Variants in POP1 observed in about 807,000 individuals in gnomAD.
POP1 encodes the protein POP1 ribonuclease P/MRP subunit.
In POP1, 75 loss-of-function variants were observed where a neutral mutation model predicts 102.2. The observed-to-expected ratio is 0.73, with a 90% CI of 0.61 to 0.89. The LOEUF (loss-of-function observed/expected upper bound fraction) is 0.89. Among genes scored for constraint, POP1 ranks in the 40% least tolerant of loss-of-function variants. POP1 has a pLI of 0.00. For synonymous variants in POP1, 436 were observed against 464.1 expected, an observed-to-expected ratio of 0.94 and a Z score of 0.78; for missense variants, 1,116 against 1,267.4, an observed-to-expected ratio of 0.88 and a Z score of 1.81.
chr8:98,152,443 G>T (rs1378444778), intron 14 of POP1, among the ~76,000 whole-genome samples: 2 of 152,098 alleles, frequency 1.3e-5, no homozygotes, highest in Non-Finnish European at 1.5e-5. Context: ...TGGAGCCCTC[G>T]GTCTCCATGG....
intron 6 of POP1, 35 bp downstream of exon 6, chr8:98,134,071 CTATG>C: frequency 6.9e-7 from 1 of 1,440,916 alleles, no homozygotes; most frequent in Non-Finnish European, 9.8e-7. Context: ...CTATTTTAGT[CTATG>C]TATATTTATT....
At chr8:98,129,090 G>T (rs1816301017) in intron 4 of POP1, among the ~76,000 whole-genome samples, 1 of 152,122 alleles carries the variant, frequency 6.6e-6, no homozygotes, top group Non-Finnish European at 1.5e-5. Context: ...TCTTGTAAGG[G>T]TGTTGAATAG....
At chr8:98,146,063 A>T (rs747912227) in intron 11 of POP1, among the ~76,000 whole-genome samples, 4 of 152,188 alleles carry the variant, frequency 2.6e-5, no homozygotes, top group Non-Finnish European at 5.9e-5. Flanking sequence ...AAAGCCCTGA[A>T]GCCAGTAGTT....
intron 10 of POP1, among the ~76,000 whole-genome samples, chr8:98,140,512 C>G (rs778993171): frequency 6.6e-6 from 1 of 152,224 alleles, no homozygotes; most frequent in Non-Finnish European, 1.5e-5. Context: ...GTAGTTATCA[C>G]TGATAGAAGC....
chr8:98,131,708 G>GT (rs1407189537), intron 5 of POP1, among the ~76,000 whole-genome samples: 1 of 152,136 alleles, frequency 6.6e-6, no homozygotes, highest in Non-Finnish European at 1.5e-5. Context: ...CATAGCAACT[G>GT]TATCATTTTA....
Position 98,159,615 on chromosome 8 carries a change from T to C in POP1, c.*1344T>C, listed in dbSNP as rs1809749424. The C allele has an allele frequency of 6.6e-6, 1 of 152,234 alleles. No homozygotes were observed. The highest frequency in any genetic ancestry group is 2.4e-5 in the African/African-American group (1 of 41,446). The allele number at this position is 152,234 out of a possible 1,614,324, so 9.4% of individuals were successfully genotyped here. A position where few individuals can be genotyped will look rare whatever the true frequency, so the allele number is the denominator to read the frequency against. On this transcript the variant is annotated 3_prime_UTR_variant, in exon 16 of 16. Coordinates refer to ENST00000401707, the MANE Select transcript of POP1 (RefSeq NM_001145860.2). ...TTATGTAAATGCATTGGGTTTTTAC[T>C]GTAGCATTTGGCACTAAATGGCTTT...
intron 7 of POP1, 129 bp downstream of exon 7, chr8:98,134,788 T>G (rs1816483382): frequency 1.0e-6 from 1 of 989,568 alleles, no homozygotes; most frequent in African/African-American, 1.6e-5. Context: ...TATGGGGGGC[T>G]CTATGATTAT....
At chr8:98,142,200 TC>T (rs532434382) in intron 11 of POP1, among the ~76,000 whole-genome samples, 155 of 152,268 alleles carry the variant, frequency 1.0e-3, no homozygotes, top group Admixed American at 9.2e-4. Context: ...GATTATTAAA[TC>T]CTCTCTAAGG....
At chr8:98,148,783 T>C in intron 12 of POP1, 32 bp from the exon 13 acceptor site, 1 of 1,583,232 alleles carries the variant, frequency 6.3e-7, no homozygotes, top group Non-Finnish European at 8.7e-7. Context: ...AGACTAGGGC[T>C]ATTTGTCTTG....
rs1816280810 is a variant in POP1 at position 98,128,534 on chromosome 8, G to T, written c.480G>T (p.Gln160His). Residue 160 changes from glutamine (Q) to histidine (H), a missense_variant, in exon 4 of 16, where the codon CAG becomes CAT. Coordinates refer to ENST00000401707, the MANE Select transcript of POP1 (RefSeq NM_001145860.2). ...RLPRRLQEIA[Q>H]KEAEKAVHQK... ...CCAGACGGTTACAGGAGATTGCCCA[G>T]AAAGAGGTAGGAGTTCCACTTAGTG... 1 of 1,613,794 alleles carries T rather than the reference G, an allele frequency of 6.2e-7. No homozygotes were observed. Among genetic ancestry groups the T allele is most frequent in the South Asian group, 1.1e-5 (1 of 91,064 alleles).
chr8:98,132,841 A>G (rs1425591524), intron 5 of POP1, among the ~76,000 whole-genome samples: 1 of 145,966 alleles, frequency 6.9e-6, no homozygotes, highest in East Asian at 2.1e-4. Flanking sequence ...AGGCTGAGGC[A>G]GGAGGATTGC....
chr8:98,150,070 T>C (rs1809477901), intron 13 of POP1, among the ~76,000 whole-genome samples: 1 of 152,236 alleles, frequency 6.6e-6, no homozygotes, highest in Non-Finnish European at 1.5e-5. Context: ...TGATGCACCC[T>C]GTGTACCTCT....
chr8:98,150,850 C>A (rs1809497002), intron 14 of POP1, among the ~76,000 whole-genome samples: 3 of 152,058 alleles, frequency 2.0e-5, no homozygotes, highest in African/African-American at 2.4e-5. Context: ...TGGTTATAAA[C>A]CCTTCTGTTT....
At chr8:98,126,489 T>C (rs1254616157) in intron 2 of POP1, among the ~76,000 whole-genome samples, 1 of 152,118 alleles carries the variant, frequency 6.6e-6, no homozygotes, top group African/African-American at 2.4e-5. Flanking sequence ...CCTTCAGCTG[T>C]GATATAAATA....
intron 9 of POP1, among the ~76,000 whole-genome samples, chr8:98,137,797 A>G (rs941798594): frequency 6.6e-6 from 1 of 152,198 alleles, no homozygotes; most frequent in African/African-American, 2.4e-5. Context: ...CTTAACTTTA[A>G]TTAACTAAAA....
At chr8:98,144,325 G>T (rs950485578) in intron 11 of POP1, among the ~76,000 whole-genome samples, 2 of 151,460 alleles carry the variant, frequency 1.3e-5, no homozygotes, top group African/African-American at 4.9e-5. Flanking sequence ...GCCCAGACCC[G>T]AGTGCAGTGG....
In POP1 at chr8:98,136,571, C is replaced by T. The variant is rs1433600744; in HGVS notation, c.1101C>T (p.Ser367=). 1.9e-6 allele frequency: 3 copies of T among 1,613,872 alleles called. No individual in the cohort carries two copies. The highest frequency in any genetic ancestry group is 2.5e-6 in the Non-Finnish European group (3 of 1,179,986). ...VCIADPLPTP[S]QEKSQTELPD... ...TCGCTGACCCACTTCCAACACCATC[C>T]CAAGAAAAAAGCCAAACTGAATTGC... Residue 367 remains serine, a synonymous_variant, in exon 8 of 16, where the codon TCC becomes TCT. Coordinates refer to ENST00000401707, the MANE Select transcript of POP1 (RefSeq NM_001145860.2).
At position 98,156,309 on chromosome 8, in the gene POP1, AT is replaced by A; in HGVS notation, c.2318del (p.Met773ArgfsTer40). ...IEHPREAEEVMDAGCQESAGP... is the reference protein window; with the variant it reads ...IEHPREAEEVXDAGCQESAGP... ...GCACCCCAGGGAGGCAGAGGAGGTA[AT>A]GGATGCAGGGTGTCAAGAATCGGCA... On this transcript the variant is annotated frameshift_variant, in exon 15 of 16. Transcript: ENST00000401707. LOFTEE classifies it high-confidence loss of function. 1 of 1,614,192 alleles carries A rather than the reference AT, an allele frequency of 6.2e-7. No homozygotes were observed. Among genetic ancestry groups the A allele is most frequent in the African/African-American group, 1.3e-5 (1 of 75,048 alleles).
At chr8:98,142,783 G>A (rs774656803) in intron 11 of POP1, among the ~76,000 whole-genome samples, 49 of 152,158 alleles carry the variant, frequency 3.2e-4, no homozygotes, top group Non-Finnish European at 5.6e-4. Context: ...GCTGCCTTTA[G>A]AGTGATAGGT....
Sources: gnomAD v4.1 joint callset for allele counts (sites outside exome capture counted in the v4.1 genomes callset) on GRCh38, gnomAD v4.1.1 for gene constraint, MANE v1.5 for transcripts, NCBI Gene and HGNC (gene_info 2026-07-23, HGNC 2026-07-21) for gene names.